BAZ2B: variants seen among roughly 807,000 people sequenced by gnomAD.
The protein encoded by BAZ2B is bromodomain adjacent to zinc finger domain 2B, also known as bromodomain adjacent to zinc finger domain protein 2B.
Under a neutral mutation model 246.0 loss-of-function variants are expected in BAZ2B, and 91 were observed. The observed-to-expected ratio is 0.37, with a 90% confidence interval of 0.31 to 0.44. BAZ2B has a LOEUF of 0.44. Ranked by LOEUF, BAZ2B falls within the 20% of genes least tolerant of loss-of-function variation. The pLI, the probability that BAZ2B is intolerant of heterozygous loss-of-function variation, is 1.00. For missense variants in BAZ2B, 2,332 were observed against 2,533.7 expected (o/e 0.92, Z 1.71); for synonymous variants, 855 against 860.0 (o/e 0.99, Z 0.10).
chr2:159,423,049 C>T (rs1229761457), intron 13 of BAZ2B, among the ~76,000 whole-genome samples: 3 of 152,108 alleles, frequency 2.0e-5, no homozygotes, highest in Non-Finnish European at 4.4e-5. Flanking sequence ...GGTGTGGTGG[C>T]TCACACCTGT....
chr2:159,409,092 A>T (rs1422853664), intron 14 of BAZ2B, among the ~76,000 whole-genome samples: 1 of 151,866 alleles, frequency 6.6e-6, no homozygotes, highest in Non-Finnish European at 1.5e-5. Context: ...CTTTTGAAAT[A>T]CTAATTTGGA....
chr2:159,684,626 C>T, the BAZ2B span, among the ~76,000 whole-genome samples: 3 of 152,262 alleles, frequency 2.0e-5, no homozygotes, highest in South Asian at 4.1e-4. Context: ...CTCAGTCTCC[C>T]GAGTAGCTGG....
chr2:159,414,411 C>A (rs1376241978), intron 13 of BAZ2B, among the ~76,000 whole-genome samples: 2 of 151,922 alleles, frequency 1.3e-5, no homozygotes, highest in African/African-American at 2.4e-5. Flanking sequence ...TTTAAAAAAA[C>A]CTAAAAGAGT....
intron 2 of BAZ2B, among the ~76,000 whole-genome samples, chr2:159,510,761 T>C (rs926835520): frequency 1.3e-5 from 2 of 152,232 alleles, no homozygotes; most frequent in African/African-American, 2.4e-5. Context: ...GAAGTCCTTC[T>C]TCAGTGCTTG....
intron 2 of BAZ2B, among the ~76,000 whole-genome samples, chr2:159,540,406 TGA>T (rs1437644874): frequency 6.6e-6 from 1 of 152,196 alleles, no homozygotes; most frequent in Non-Finnish European, 1.5e-5. Context: ...GATAATTAAA[TGA>T]GAGAGATTGG....
rs60866580 is a variant in BAZ2B at position 159,455,763 on chromosome 2, G to GTTT, written c.146-1965_146-1963dup. Among the ~76,000 whole-genome samples, 115 of 64,604 alleles carry GTTT rather than the reference G, an allele frequency of 1.8e-3. 2 individuals carry two copies. The highest frequency in any genetic ancestry group is 2.4e-3 in the Non-Finnish European group (82 of 34,518). 42.4% of individuals were successfully genotyped at this position (64,604 alleles called of 152,430 possible). ...GTGATAGGTTACCAGAAATATTGTG[G>GTTT]TTTTTTTTTTTTTTTTTTTTTTTTT... is the stretch of plus-strand genomic sequence containing the variant. On this transcript the variant is annotated intron_variant, in intron 3 of 36. Transcript: ENST00000392783.
the BAZ2B span, among the ~76,000 whole-genome samples, chr2:159,671,027 T>G: frequency 7.9e-5 from 12 of 152,214 alleles, no homozygotes; most frequent in African/African-American, 2.9e-4. Flanking sequence ...AAAGCAAACT[T>G]TTCTCTGTCT....
rs1027497959 is a variant in BAZ2B at position 159,412,368 on chromosome 2, C to T, written c.2644G>A (p.Asp882Asn). The T allele has an allele frequency of 5.0e-6, 8 of 1,614,008 alleles. No homozygotes were observed. Among genetic ancestry groups the T allele is most frequent in the South Asian group, 1.1e-5 (1 of 91,082 alleles). Residue 882 changes from aspartate to asparagine, a missense_variant, in exon 14 of 37, where the codon GAT becomes AAT. By Grantham distance (23) the Asp-to-Asn change is conservative. Transcript: ENST00000392783. ...TGCAGTTTTCTTAGCAACTTTGCAT[C>T]TGCGTTATCTAGGAATTCAGCATTG... ...VGNAEFLDNADAKLLRKLQAQ... is the reference protein window; with the variant it reads ...VGNAEFLDNANAKLLRKLQAQ...
intron 21 of BAZ2B, 113 bp downstream of exon 21, chr2:159,389,232 C>T (rs914113023): frequency 8.9e-7 from 1 of 1,129,930 alleles, no homozygotes; most frequent in Non-Finnish European, 1.2e-6. Flanking sequence ...AAATTCACTG[C>T]TATAGTTAAA....
At chr2:159,392,386 C>CTTTGTT (rs2063451089) in intron 20 of BAZ2B, among the ~76,000 whole-genome samples, 1 of 152,036 alleles carries the variant, frequency 6.6e-6, no homozygotes, top group African/African-American at 2.4e-5. Flanking sequence ...CTACTTCAGA[C>CTTTGTT]ATGGTAGTAC....
chr2:159,694,949 G>T, the BAZ2B span: 1 of 152,160 alleles, frequency 6.6e-6, no homozygotes, highest in Non-Finnish European at 1.5e-5. Flanking sequence ...AATATATGCA[G>T]GTACCAACTT....
chr2:159,368,215 C>A (rs1172034843), intron 27 of BAZ2B, among the ~76,000 whole-genome samples: 1 of 152,116 alleles, frequency 6.6e-6, no homozygotes, highest in Non-Finnish European at 1.5e-5. Context: ...CCACAGTCAG[C>A]CATATATATG....
chr2:159,512,049 T>G (rs954564634), intron 2 of BAZ2B, among the ~76,000 whole-genome samples: 26 of 152,162 alleles, frequency 1.7e-4, no homozygotes, highest in Non-Finnish European at 4.4e-5. Context: ...CATGTATTTA[T>G]AGAACAGAAA....
intron 33 of BAZ2B, chr2:159,332,939 T>C (rs1191916871): frequency 2.3e-6 from 1 of 432,614 alleles, no homozygotes; most frequent in African/African-American, 2.0e-5. Flanking sequence ...CAGAATGCCT[T>C]GCACACACTT....
At chr2:159,577,611 ATACTT>A (rs1685661748) in intron 1 of BAZ2B, among the ~76,000 whole-genome samples, 1 of 152,196 alleles carries the variant, frequency 6.6e-6, no homozygotes, top group South Asian at 2.1e-4. Flanking sequence ...GGGAGGAAAA[ATACTT>A]TAAATGTGCC....
intron 2 of BAZ2B, among the ~76,000 whole-genome samples, chr2:159,530,478 T>G (rs957245006): frequency 2.0e-5 from 3 of 152,152 alleles, no homozygotes; most frequent in Non-Finnish European, 4.4e-5. Flanking sequence ...CTTAAATATT[T>G]TAATATAAAA....
At chr2:159,475,609 T>C (rs1334240545) in intron 3 of BAZ2B, among the ~76,000 whole-genome samples, 1 of 152,224 alleles carries the variant, frequency 6.6e-6, no homozygotes, top group Non-Finnish European at 1.5e-5. Context: ...ATAGGAGATG[T>C]GATCCTTTGT....
chr2:159,514,204 A>C (rs992687296), intron 2 of BAZ2B, among the ~76,000 whole-genome samples: 3 of 152,194 alleles, frequency 2.0e-5, no homozygotes, highest in Non-Finnish European at 4.4e-5. Flanking sequence ...CATGTGCCAC[A>C]AAAGCAGAGA....
chr2:159,591,077 G>T (rs1689287998), intron 1 of BAZ2B, among the ~76,000 whole-genome samples: 1 of 151,998 alleles, frequency 6.6e-6, no homozygotes. Context: ...GTCCACAGTG[G>T]GCTGACATGA....
Sources: allele counts gnomAD v4.1 joint callset (sites outside exome capture counted in the v4.1 genomes callset), GRCh38; gene constraint gnomAD v4.1.1; transcripts MANE v1.5; gene names NCBI Gene and HGNC (gene_info 2026-07-23, HGNC 2026-07-21).